Variants in RARB observed in about 807,000 individuals in gnomAD.
RARB encodes retinoic acid receptor beta, also known as HBV-activated protein.
A neutral mutation model predicts 51.9 loss-of-function variants in RARB; 17 were observed. The ratio of observed to expected loss-of-function variants is 0.33; its 90% confidence interval spans 0.22 to 0.49. The LOEUF is 0.49. RARB is among the 20% of genes least tolerant of loss of function. The pLI is 0.99. For synonymous variants in RARB, 215 were observed against 195.4 expected, an observed-to-expected ratio of 1.10 and a Z score of -0.84; for missense variants, 369 against 550.8, an observed-to-expected ratio of 0.67 and a Z score of 3.30.
chr3:25,363,946 A>G (rs762561249), intron 5 of RARB, among the ~76,000 whole-genome samples: 2 of 152,122 alleles, frequency 1.3e-5, no homozygotes, highest in African/African-American at 4.8e-5. Context: ...TCAGATATCC[A>G]TATAGATCTT....
intron 2 of RARB, among the ~76,000 whole-genome samples, chr3:25,486,554 T>C (rs912867511): frequency 2.6e-5 from 4 of 152,176 alleles, no homozygotes; most frequent in Admixed American, 6.5e-5. Flanking sequence ...GATTTGGTGC[T>C]GAGGATACAA....
At chr3:25,363,793 A>G (rs1346023602) in intron 5 of RARB, among the ~76,000 whole-genome samples, 2 of 152,176 alleles carry the variant, frequency 1.3e-5, no homozygotes, top group Non-Finnish European at 2.9e-5. Flanking sequence ...AAAGTCCTAC[A>G]TGATCTGTGG....
chr3:24,956,659 G>A (rs1366375016), intron 2 of RARB, among the ~76,000 whole-genome samples: 1 of 152,140 alleles, frequency 6.6e-6, no homozygotes, highest in South Asian at 2.1e-4. Flanking sequence ...ACTAAACAGG[G>A]TCACATGTAT....
chr3:25,127,398 C>A (rs974122109), intron 3 of RARB, among the ~76,000 whole-genome samples: 3 of 152,186 alleles, frequency 2.0e-5, no homozygotes, highest in African/African-American at 7.2e-5. Context: ...TCTGAAAAGC[C>A]TTTCCCATGA....
At chr3:25,562,297 G>A (rs570111103) in intron 3 of RARB, among the ~76,000 whole-genome samples, 1 of 152,052 alleles carries the variant, frequency 6.6e-6, no homozygotes, top group East Asian at 1.9e-4. Flanking sequence ...TACAGTAAGT[G>A]TGTGAGTTTA....
chr3:25,336,373 C>A (rs1005920549), intron 5 of RARB, among the ~76,000 whole-genome samples: 2 of 152,124 alleles, frequency 1.3e-5, no homozygotes, highest in African/African-American at 4.8e-5. Flanking sequence ...TCAGTACTTA[C>A]TATTTTCTAA....
intron 5 of RARB, among the ~76,000 whole-genome samples, chr3:25,181,273 C>T (rs2125357388): frequency 6.6e-6 from 1 of 152,278 alleles, no homozygotes; most frequent in South Asian, 2.1e-4. Flanking sequence ...TTCCTTCCCA[C>T]CCAGGTACCC....
At chr3:25,541,703 A>G (rs192043865) in intron 3 of RARB, among the ~76,000 whole-genome samples, 63 of 152,144 alleles carry the variant, frequency 4.1e-4, no homozygotes, top group African/African-American at 1.5e-3. Flanking sequence ...ATTGGCCCCA[A>G]CACCTCACTC....
chr3:25,142,815 CTG>C (rs979779518), intron 4 of RARB, among the ~76,000 whole-genome samples: 16 of 128,540 alleles, frequency 1.2e-4, no homozygotes, highest in African/African-American at 3.3e-4. Context: ...ACCTCGGGCT[CTG>C]TGGTCAAGAT....
At chr3:25,061,395 G>GT (rs1271983789) in intron 3 of RARB, among the ~76,000 whole-genome samples, 1 of 151,762 alleles carries the variant, frequency 6.6e-6, no homozygotes, top group Non-Finnish European at 1.5e-5. Flanking sequence ...ATCTTCCAGT[G>GT]TATCTATTGG....
chr3:25,196,073 A>AT (rs1053303854), intron 5 of RARB, among the ~76,000 whole-genome samples: 1 of 151,662 alleles, frequency 6.6e-6, no homozygotes, highest in South Asian at 2.1e-4. Context: ...CAGCTCTAAA[A>AT]TTTTTTTACT....
chr3:25,238,911 G>A (rs1018372670), intron 5 of RARB, among the ~76,000 whole-genome samples: 5 of 151,702 alleles, frequency 3.3e-5, no homozygotes, highest in Non-Finnish European at 4.4e-5. Context: ...CCCAGGAGGC[G>A]GAGGTTGCAG....
At chr3:24,843,857 C>T (rs1359639515) in intron 1 of RARB, among the ~76,000 whole-genome samples, 2 of 151,292 alleles carry the variant, frequency 1.3e-5, no homozygotes, top group East Asian at 3.9e-4. Flanking sequence ...CTTGGTTGTC[C>T]ATTCCTTTTC....
Position 24,905,661 on chromosome 3 carries a change from G to A in RARB, c.-380+46909G>A, listed in dbSNP as rs142730428. 1.6e-4 allele frequency among the ~76,000 whole-genome samples: 25 copies of A among 152,318 alleles called. No homozygotes were observed. In the East Asian group the frequency reaches 1.7e-3, roughly 11 times the overall value. ...CTTTCCTTCTTCCCACCTGCTTAAA[G>A]AAGCCTGGAGGTGCAGTAGTCATCT... On this transcript the variant is annotated intron_variant, in intron 2 of 11. Coordinates refer to the RARB transcript ENST00000383772.
At chr3:25,309,384 C>T (rs1453907231) in intron 5 of RARB, among the ~76,000 whole-genome samples, 1 of 151,178 alleles carries the variant, frequency 6.6e-6, no homozygotes, top group Non-Finnish European at 1.5e-5. Context: ...CGTGATCCAC[C>T]TGCCTTGGCT....
chr3:24,953,491 C>A (rs1337637570), intron 2 of RARB, among the ~76,000 whole-genome samples: 1 of 152,152 alleles, frequency 6.6e-6, no homozygotes, highest in East Asian at 1.9e-4. Flanking sequence ...GGACTGAGCA[C>A]TTTCTTACAT....
intron 5 of RARB, among the ~76,000 whole-genome samples, chr3:25,179,972 T>G (rs1700829904): frequency 6.6e-6 from 1 of 152,216 alleles, no homozygotes; most frequent in Non-Finnish European, 1.5e-5. Context: ...CTGAGCTCAT[T>G]CTGTTTTTTG....
chr3:25,301,957 A>G (rs550902289), intron 5 of RARB, among the ~76,000 whole-genome samples: 6 of 152,356 alleles, frequency 3.9e-5, no homozygotes, highest in African/African-American at 1.2e-4. Context: ...ACAGTGGCCC[A>G]CAGGAGTGAA....
chr3:25,213,163 T>C (rs926978190), intron 5 of RARB, among the ~76,000 whole-genome samples: 1 of 152,150 alleles, frequency 6.6e-6, no homozygotes, highest in African/African-American at 2.4e-5. Context: ...GTGTACATAA[T>C]GCTTGGGTCA....
Sources: allele counts gnomAD v4.1 joint callset (sites outside exome capture counted in the v4.1 genomes callset), GRCh38; gene constraint gnomAD v4.1.1; transcripts MANE v1.5; gene names NCBI Gene and HGNC (gene_info 2026-07-23, HGNC 2026-07-21).